Variants in MMP16 observed in about 807,000 individuals in gnomAD.
MMP16 encodes matrix metallopeptidase 16.
Under a neutral mutation model 67.8 loss-of-function variants are expected in MMP16, and 12 were observed. The ratio of observed to expected loss-of-function variants is 0.18; its 90% confidence interval spans 0.11 to 0.29. The LOEUF (loss-of-function observed/expected upper bound fraction) is 0.29. Ranked by LOEUF, MMP16 falls within the 10% of genes least tolerant of loss-of-function variation. MMP16 has a pLI of 1.00. For synonymous variants in MMP16, 249 were observed against 255.9 expected (o/e 0.97, Z 0.26); for missense variants, 475 against 765.7 (o/e 0.62, Z 4.48).
chr8:88,057,694 G>C (rs547161319), intron 7 of MMP16, among the ~76,000 whole-genome samples: 3 of 152,102 alleles, frequency 2.0e-5, no homozygotes, highest in African/African-American at 7.2e-5. Flanking sequence ...ACATCTTTAG[G>C]CTAAATTTAG....
At chr8:88,250,823 T>C (rs896189297) in intron 1 of MMP16, among the ~76,000 whole-genome samples, 1 of 151,470 alleles carries the variant, frequency 6.6e-6, no homozygotes, top group South Asian at 2.1e-4. Context: ...CATGTGCACA[T>C]TGTGCAGGTT....
At chr8:88,235,270 T>C (rs1408005175) in intron 1 of MMP16, among the ~76,000 whole-genome samples, 1 of 151,488 alleles carries the variant, frequency 6.6e-6, no homozygotes, top group African/African-American at 2.4e-5. Flanking sequence ...TGCATGCCTG[T>C]AATCTCAGCT....
intron 4 of MMP16, among the ~76,000 whole-genome samples, chr8:88,131,624 G>T (rs2118474586): frequency 6.6e-6 from 1 of 151,694 alleles, no homozygotes; most frequent in Non-Finnish European, 1.5e-5. Flanking sequence ...GTACTTTATT[G>T]GTCGAAATCC....
intron 6 of MMP16, among the ~76,000 whole-genome samples, chr8:88,087,802 G>C (rs1808860557): frequency 6.6e-6 from 1 of 151,312 alleles, no homozygotes; most frequent in African/African-American, 2.4e-5. Context: ...AAATAGCTGG[G>C]CATGGTGGTT....
intron 3 of MMP16, among the ~76,000 whole-genome samples, chr8:88,184,142 T>G (rs563724703): frequency 1.3e-5 from 2 of 152,212 alleles, no homozygotes; most frequent in Non-Finnish European, 2.9e-5. Flanking sequence ...TAGTATGCAG[T>G]TTATTATTTA....
chr8:88,230,124 G>T (rs897463559), intron 1 of MMP16, among the ~76,000 whole-genome samples: 2 of 151,998 alleles, frequency 1.3e-5, no homozygotes, highest in African/African-American at 4.8e-5. Flanking sequence ...ATATCTCTAG[G>T]ACAAGGATTC....
intron 1 of MMP16, among the ~76,000 whole-genome samples, chr8:88,257,682 A>T (rs1239963107): frequency 6.6e-6 from 1 of 152,208 alleles, no homozygotes; most frequent in Non-Finnish European, 1.5e-5. Context: ...ATAAGCATGG[A>T]GTATAAACAC....
intron 4 of MMP16, among the ~76,000 whole-genome samples, chr8:88,138,910 T>C (rs1038693006): frequency 5.9e-5 from 9 of 152,142 alleles, no homozygotes; most frequent in African/African-American, 9.6e-5. Context: ...TCTGTCAACA[T>C]AGCCAAGGCA....
At chr8:88,179,696 A>G (rs1460839578) in intron 3 of MMP16, among the ~76,000 whole-genome samples, 4 of 152,210 alleles carry the variant, frequency 2.6e-5, no homozygotes, top group African/African-American at 7.2e-5. Flanking sequence ...GAATTAAATT[A>G]GAAACTCTGT....
At chr8:88,205,064 A>T (rs1277105442) in intron 1 of MMP16, among the ~76,000 whole-genome samples, 5 of 152,240 alleles carry the variant, frequency 3.3e-5, no homozygotes, top group Non-Finnish European at 7.3e-5. Flanking sequence ...AACAACTGCT[A>T]GCATGCCTTT....
At chr8:88,289,659 A>T (rs911651046) in intron 1 of MMP16, among the ~76,000 whole-genome samples, 1 of 151,014 alleles carries the variant, frequency 6.6e-6, no homozygotes, top group Non-Finnish European at 1.5e-5. Flanking sequence ...ACTCTGAATT[A>T]GTGAATACTG....
chr8:88,101,415 C>A (rs1395600995), intron 6 of MMP16, among the ~76,000 whole-genome samples: 1 of 151,888 alleles, frequency 6.6e-6, no homozygotes, highest in Non-Finnish European at 1.5e-5. Flanking sequence ...ACTGCAAATG[C>A]AGCTGCTTGG....
intron 1 of MMP16, among the ~76,000 whole-genome samples, chr8:88,255,195 C>A (rs1039846161): frequency 1.3e-5 from 2 of 152,086 alleles, no homozygotes; most frequent in African/African-American, 2.4e-5. Context: ...TGAGTGAGTT[C>A]TTGCTCTGTA....
Position 88,101,413 on chromosome 8 carries a change from T to C in MMP16, c.1083+15094A>G, listed in dbSNP as rs184381663. ...CAGCATTTCTAATAGTAACTGCAAA[T>C]GCAGCTGCTTGGAAAAGGCTATCTC... On this transcript the variant is annotated intron_variant, in intron 6 of 9. Coordinates refer to ENST00000286614, the MANE Select transcript of MMP16 (RefSeq NM_005941.5). Among the ~76,000 whole-genome samples the C allele has an allele frequency of 5.3e-5, 8 of 152,020 alleles. No individual in the cohort carries two copies. The East Asian group carries it at 7.8e-4, about 15-fold the overall frequency.
At chr8:88,113,734 CACAAG>C (rs1357343983) in intron 6 of MMP16, among the ~76,000 whole-genome samples, 10 of 152,008 alleles carry the variant, frequency 6.6e-5, no homozygotes, top group African/African-American at 2.4e-4. Context: ...CTGTGACATT[CACAAG>C]TGGAACATCT....
chr8:88,203,104 CTT>C lies in MMP16; in HGVS notation c.133-5800_133-5799del, dbSNP rs33928858. 7.3e-5 allele frequency among the ~76,000 whole-genome samples: 9 copies of C among 123,132 alleles called. No individual in the cohort carries two copies. The South Asian group carries it at 1.3e-3, about 18-fold the overall frequency. The allele number at this position is 123,132 out of a possible 152,430, so 80.8% of individuals were successfully genotyped here. On this transcript the variant is annotated intron_variant, in intron 1 of 9. Coordinates refer to ENST00000286614, the MANE Select transcript of MMP16 (RefSeq NM_005941.5). Reference sequence around the variant, plus strand: ...ATGAAGGTACAAAATACCAGAACTTCTTTTTTTTTTTTTTTTTTGAGACAGAG... The same window carrying C: ...ATGAAGGTACAAAATACCAGAACTTCTTTTTTTTTTTTTTTTGAGACAGAG...
intron 7 of MMP16, among the ~76,000 whole-genome samples, chr8:88,062,599 T>C (rs1168126973): frequency 1.3e-5 from 2 of 151,972 alleles, no homozygotes; most frequent in African/African-American, 2.4e-5. Flanking sequence ...TAGGTGGGAA[T>C]TGAACAATGA....
Position 88,126,964 on chromosome 8 carries a change from G to A in MMP16, c.710-8103C>T, listed in dbSNP as rs144652880. Reference sequence around the variant, plus strand: ...TACTTCTACCACTGCGAGTATTCCTGTAATCAACAAACCTTACAACAAACT... The same window carrying A: ...TACTTCTACCACTGCGAGTATTCCTATAATCAACAAACCTTACAACAAACT... On this transcript the variant is annotated intron_variant, in intron 4 of 9. Coordinates refer to ENST00000286614, the MANE Select transcript of MMP16 (RefSeq NM_005941.5). Among the ~76,000 whole-genome samples, 43 of 151,920 alleles carry A rather than the reference G, an allele frequency of 2.8e-4. No individual in the cohort carries two copies. In the East Asian group the frequency reaches 8.2e-3, roughly 29 times the overall value.
chr8:88,126,096 T>C (rs1194927439), intron 4 of MMP16, among the ~76,000 whole-genome samples: 3 of 151,912 alleles, frequency 2.0e-5, no homozygotes, highest in African/African-American at 4.8e-5. Context: ...AACAAATATA[T>C]GACAAAAACT....
Sources: allele counts gnomAD v4.1 joint callset (sites outside exome capture counted in the v4.1 genomes callset), GRCh38; gene constraint gnomAD v4.1.1; transcripts MANE v1.5; gene names NCBI Gene and HGNC (gene_info 2026-07-23, HGNC 2026-07-21).